Variants in RARB observed in about 807,000 individuals in gnomAD.
The protein encoded by RARB is retinoic acid receptor beta.
A neutral mutation model predicts 51.9 loss-of-function variants in RARB; 17 were observed. That is an observed-to-expected ratio of 0.33 (90% confidence interval 0.22 to 0.49). The LOEUF is 0.49. Among genes scored for constraint, RARB ranks in the 20% least tolerant of loss-of-function variants. The pLI, the probability that RARB is intolerant of heterozygous loss-of-function variation, is 0.99. For synonymous variants in RARB, 215 were observed against 195.4 expected (o/e 1.10, Z -0.84); for missense variants, 369 against 550.8 (o/e 0.67, Z 3.30).
intron 2 of RARB, among the ~76,000 whole-genome samples, chr3:25,036,597 C>T (rs1194892543): frequency 1.3e-5 from 2 of 152,068 alleles, no homozygotes; most frequent in African/African-American, 4.8e-5. Context: ...TGGAAAGGGA[C>T]AACAAATGTC....
At position 25,550,997 on chromosome 3, in the gene RARB, C is replaced by T. The variant is rs149360052; in HGVS notation, c.449-18761C>T. On this transcript the variant is annotated intron_variant, in intron 3 of 7. Coordinates refer to ENST00000330688, the MANE Select transcript of RARB (RefSeq NM_000965.5). ...CTTTAGGGGATTAAGTTTTAACTTG[C>T]GAATTTGGAGAGGACACAAACATTT... Among the ~76,000 whole-genome samples the T allele has an allele frequency of 3.8e-3, 582 of 152,140 alleles. 3 individuals carry two copies. The highest frequency in any genetic ancestry group is 0.013 in the African/African-American group (541 of 41,490).
At chr3:25,229,657 T>TC (rs1491104081) in intron 5 of RARB, among the ~76,000 whole-genome samples, 1 of 123,204 alleles carries the variant, frequency 8.1e-6, no homozygotes. Flanking sequence ...ATGGGCACCC[T>TC]TTTTTTTTTC....
At chr3:24,855,744 ATTTTT>A (rs34706427) in intron 1 of RARB, among the ~76,000 whole-genome samples, 1 of 110,214 alleles carries the variant, frequency 9.1e-6, no homozygotes, top group South Asian at 2.9e-4. Context: ...GGAAATCTGC[ATTTTT>A]TTTTTTTTTT....
intron 2 of RARB, among the ~76,000 whole-genome samples, chr3:25,017,378 T>TAAAA (rs531591035): frequency 0.072 from 10,668 of 147,446 alleles, 452 homozygotes; most frequent in Middle Eastern, 0.1. Context: ...TCATCATGTT[T>TAAAA]AAAAAAAAAA....
chr3:25,479,599 A>G (rs1696129372), intron 2 of RARB, among the ~76,000 whole-genome samples: 1 of 152,228 alleles, frequency 6.6e-6, no homozygotes, highest in East Asian at 1.9e-4. Flanking sequence ...GATCTAAAGA[A>G]TGATGGAAGT....
chr3:24,934,866 A>C (rs1195025479), intron 2 of RARB, among the ~76,000 whole-genome samples: 1 of 152,146 alleles, frequency 6.6e-6, no homozygotes, highest in Non-Finnish European at 1.5e-5. Context: ...ATGATTTATC[A>C]AGCAGCAAAA....
intron 5 of RARB, among the ~76,000 whole-genome samples, chr3:25,277,699 T>C (rs555201702): frequency 7.2e-5 from 11 of 152,234 alleles, no homozygotes; most frequent in Non-Finnish European, 1.3e-4. Flanking sequence ...GTTTACTTTT[T>C]GCTTACTTAG....
intron 3 of RARB, among the ~76,000 whole-genome samples, chr3:25,125,540 T>C (rs1394377822): frequency 6.6e-6 from 1 of 152,192 alleles, no homozygotes; most frequent in African/African-American, 2.4e-5. Context: ...ATGAAATGTT[T>C]CTCTGAGGAG....
At chr3:24,941,433 G>A (rs995464484) in intron 2 of RARB, among the ~76,000 whole-genome samples, 4 of 150,622 alleles carry the variant, frequency 2.7e-5, no homozygotes, top group African/African-American at 4.9e-5. Flanking sequence ...GCAATGGCAC[G>A]ATCTCGGCTC....
At chr3:25,289,448 A>C (rs906880502) in intron 5 of RARB, among the ~76,000 whole-genome samples, 7 of 152,220 alleles carry the variant, frequency 4.6e-5, no homozygotes, top group Non-Finnish European at 4.4e-5. Flanking sequence ...GTCTGTCCAC[A>C]GATGTCTTTA....
At chr3:24,905,574 T>C (rs1245468741) in intron 2 of RARB, among the ~76,000 whole-genome samples, 4 of 152,224 alleles carry the variant, frequency 2.6e-5, no homozygotes, top group Non-Finnish European at 4.4e-5. Flanking sequence ...CAAGCTTTCC[T>C]TTCCTGATTT....
intron 5 of RARB, among the ~76,000 whole-genome samples, chr3:25,319,822 A>G (rs1704519135): frequency 6.6e-6 from 1 of 152,176 alleles, no homozygotes; most frequent in Non-Finnish European, 1.5e-5. Context: ...GCAGACAGAC[A>G]TTTATTGATT....
At chr3:25,076,015 T>G (rs538832153) in intron 3 of RARB, among the ~76,000 whole-genome samples, 2 of 152,348 alleles carry the variant, frequency 1.3e-5, no homozygotes, top group East Asian at 3.9e-4. Flanking sequence ...TTAATTCAGA[T>G]AGAGTTTATT....
intron 5 of RARB, among the ~76,000 whole-genome samples, chr3:25,216,663 A>G (rs939652351): frequency 1.3e-5 from 2 of 151,706 alleles, no homozygotes; most frequent in Non-Finnish European, 2.9e-5. Flanking sequence ...ATGTATACTT[A>G]TTGCAACAAA....
chr3:25,019,733 G>A (rs1266179947), intron 2 of RARB, among the ~76,000 whole-genome samples: 13 of 152,084 alleles, frequency 8.5e-5, no homozygotes, highest in Admixed American at 8.5e-4. Context: ...GCATAACTTG[G>A]TTATTACTTT....
chr3:25,237,076 T>C (rs1398315362), intron 5 of RARB, among the ~76,000 whole-genome samples: 1 of 151,764 alleles, frequency 6.6e-6, no homozygotes, highest in Non-Finnish European at 1.5e-5. Context: ...TTATCATAAT[T>C]GCTATCTTTC....
At chr3:25,491,232 A>G (rs1168044269) in intron 2 of RARB, among the ~76,000 whole-genome samples, 1 of 152,164 alleles carries the variant, frequency 6.6e-6, no homozygotes, top group African/African-American at 2.4e-5. Flanking sequence ...TCTAGTTTCA[A>G]AGAAGTTCTT....
chr3:25,525,094 T>C (rs981441431), intron 3 of RARB, among the ~76,000 whole-genome samples: 8 of 152,216 alleles, frequency 5.3e-5, no homozygotes, highest in African/African-American at 1.9e-4. Flanking sequence ...TTATACTTTA[T>C]GTGGAAAATT....
chr3:25,265,947 C>T (rs1401149010), intron 5 of RARB, among the ~76,000 whole-genome samples: 3 of 152,116 alleles, frequency 2.0e-5, no homozygotes, highest in Admixed American at 6.6e-5. Context: ...CTCATGGCCC[C>T]AATTCCTTCA....
Sources: allele counts gnomAD v4.1 joint callset (sites outside exome capture counted in the v4.1 genomes callset), GRCh38; gene constraint gnomAD v4.1.1; transcripts MANE v1.5; gene names NCBI Gene and HGNC (gene_info 2026-07-23, HGNC 2026-07-21).